The following EPN1 variants were observed in gnomAD, a reference collection of about 807,000 sequenced individuals.
The protein encoded by EPN1 is epsin 1, also known as epsin-1.
EPN1 carries 25 observed loss-of-function variants against 56.9 expected under a neutral mutation model. That is an observed-to-expected ratio of 0.44 (90% confidence interval 0.32 to 0.61). The LOEUF is 0.61. Ranked by LOEUF, EPN1 falls within the 20% of genes least tolerant of loss-of-function variation. The pLI is 0.05. For synonymous variants in EPN1, 411 were observed against 361.8 expected (o/e 1.14, Z -1.54); for missense variants, 785 against 823.7 (o/e 0.95, Z 0.58).
chr19:55,677,315 T>C (rs974981317), intron 1 of EPN1: 7 of 794,250 alleles, frequency 8.8e-6, no homozygotes, highest in Admixed American at 2.0e-5. Flanking sequence ...ATTAACTGAG[T>C]TAATACATGT....
chr19:55,689,479 A>G lies in EPN1; in HGVS notation c.678+108A>G. 1.2e-6 allele frequency: 1 copy of G among 824,694 alleles called. No homozygotes were observed. 51.1% of individuals were successfully genotyped at this position (824,694 alleles called of 1,614,324 possible). A position where few individuals can be genotyped will look rare whatever the true frequency, so the allele number is the denominator to read the frequency against. On this transcript the variant is annotated intron_variant, in intron 5 of 10. Coordinates refer to ENST00000270460, the MANE Select transcript of EPN1 (RefSeq NM_001130072.2). The surrounding 1 kb of genome is among the most constrained non-coding windows in gnomAD (Gnocchi z 5.7). ...CCATCCTGCTGGGCCCGAAGCCCAC[A>G]GGCTCACGCGTGTTGAAACCTCAGT...
Position 55,678,606 on chromosome 19 carries a change from C to G in EPN1, c.-22C>G. 1.3e-6 allele frequency: 2 copies of G among 1,592,832 alleles called. No homozygotes were observed. Among genetic ancestry groups the G allele is most frequent in the Non-Finnish European group, 1.7e-6 (2 of 1,170,848 alleles). On this transcript the variant is annotated 5_prime_UTR_variant, in exon 2 of 11. Coordinates refer to ENST00000270460, the MANE Select transcript of EPN1 (RefSeq NM_001130072.2). ...CTCCACGCATCGGGGCCCTGTGCCC[C>G]TTGCTGCTGCAGCCGGGCACCATGT...
intron 2 of EPN1, among the ~76,000 whole-genome samples, chr19:55,680,259 C>G (rs991075468): frequency 6.6e-6 from 1 of 152,222 alleles, no homozygotes; most frequent in Admixed American, 6.5e-5. Context: ...TATTTCATAA[C>G]TGTCATCACA....
chr19:55,689,076 C>T lies in EPN1; in HGVS notation c.603+82C>T. The T allele has an allele frequency of 1.4e-6, 2 of 1,476,558 alleles. No homozygotes were observed. Among genetic ancestry groups the T allele is most frequent in the South Asian group, 2.7e-5 (2 of 74,148 alleles). 91.5% of individuals were successfully genotyped at this position (1,476,558 alleles called of 1,614,324 possible). A position where few individuals can be genotyped will look rare whatever the true frequency, so the allele number is the denominator to read the frequency against. On this transcript the variant is annotated intron_variant, in intron 4 of 10. Coordinates refer to ENST00000270460, the MANE Select transcript of EPN1 (RefSeq NM_001130072.2). The surrounding 1 kb of genome is among the most constrained non-coding windows in gnomAD (Gnocchi z 5.7). ...AGGCTCCCTCCCAGCCAGGCGTGGGCCTGGCCCTCACTGTCGCTGCTCCAC... is the reference window on the plus strand; with the variant it reads ...AGGCTCCCTCCCAGCCAGGCGTGGGTCTGGCCCTCACTGTCGCTGCTCCAC...
At position 55,699,170 on chromosome 19, in the gene EPN1, T is replaced by G. The variant is rs1403886198; in HGVS notation, c.*3814T>G. 6.6e-6 allele frequency: 1 copy of G among 152,208 alleles called. No individual in the cohort carries two copies. 9.4% of individuals were successfully genotyped at this position (152,208 alleles called of 1,614,324 possible). A position where few individuals can be genotyped will look rare whatever the true frequency, so the allele number is the denominator to read the frequency against. Reference sequence around the variant, plus strand: ...TGTGCTGCACGCATTAACTCGTCATTTACATTAGGTATATCTCCTAATGCC... The same window carrying G: ...TGTGCTGCACGCATTAACTCGTCATGTACATTAGGTATATCTCCTAATGCC... On this transcript the variant is annotated 3_prime_UTR_variant, in exon 11 of 11. Coordinates refer to ENST00000270460, the MANE Select transcript of EPN1 (RefSeq NM_001130072.2).
At position 55,689,842 on chromosome 19, in the gene EPN1, C is replaced by T. The variant is rs914741975; in HGVS notation, c.679-25C>T. The T allele has an allele frequency of 7.0e-6, 11 of 1,581,964 alleles. No homozygotes were observed. Among genetic ancestry groups the T allele is most frequent in the Non-Finnish European group, 9.4e-6 (11 of 1,164,522 alleles). ...CCCGTGGCTCACGTTCTCATGTCTC[C>T]CTGGTCGTGCCCGTGCCCCAACAGG... On this transcript the variant is annotated intron_variant, in intron 5 of 10. Transcript: ENST00000270460. This position sits in a 1 kb window ranked among gnomAD's most constrained non-coding sequence, Gnocchi z 5.7.
rs1332722673 is a variant in EPN1 at position 55,702,598 on chromosome 19, TTGAAC to T, written c.*7245_*7249del. On this transcript the variant is annotated 3_prime_UTR_variant, in exon 11 of 11. Transcript: ENST00000270460. ...CTCTTTGTTAGGAGAAGTGATTTCTTTGAACTGCGTGGTGTGGTGAGAAAGGGAGC... is the reference window on the plus strand; with the variant it reads ...CTCTTTGTTAGGAGAAGTGATTTCTTTGCGTGGTGTGGTGAGAAAGGGAGC... 1 of 152,184 alleles carries T rather than the reference TTGAAC, an allele frequency of 6.6e-6. No homozygotes were observed. Among genetic ancestry groups the T allele is most frequent in the Non-Finnish European group, 1.5e-5 (1 of 68,030 alleles). 9.4% of individuals were successfully genotyped at this position (152,184 alleles called of 1,614,324 possible). A position where few individuals can be genotyped will look rare whatever the true frequency, so the allele number is the denominator to read the frequency against.
intron 2 of EPN1, among the ~76,000 whole-genome samples, chr19:55,684,470 C>T (rs2122181671): frequency 6.6e-6 from 1 of 152,278 alleles, no homozygotes. Flanking sequence ...CCCGCCCCCA[C>T]TATTAATTTC....
Position 55,708,809 on chromosome 19 carries a change from C to T in EPN1, c.*13453C>T, listed in dbSNP as rs1252626241. The T allele has an allele frequency of 2.7e-6, 2 of 747,644 alleles. No homozygotes were observed. Among genetic ancestry groups the T allele is most frequent in the Non-Finnish European group, 4.2e-6 (2 of 473,778 alleles). The allele number at this position is 747,644 out of a possible 1,614,324, so 46.3% of individuals were successfully genotyped here. The stretch of plus-strand genomic sequence containing the variant: ...TTAGGGAGTACCTCTGAAATCACAG[C>T]CCTGCTGCCATGATGTGCAATTACA... On this transcript the variant is annotated 3_prime_UTR_variant, in exon 11 of 11. Coordinates refer to ENST00000270460, the MANE Select transcript of EPN1 (RefSeq NM_001130072.2).
chr19:55,706,539 C>T lies in EPN1; in HGVS notation c.*11183C>T, dbSNP rs547221672. ...TGATGGCAGATGCCTGTAATCTCAG[C>T]TCCTCAGTAGGCTAAGGCGGGAGAA... On this transcript the variant is annotated 3_prime_UTR_variant, in exon 11 of 11. Transcript: ENST00000270460. The T allele has an allele frequency of 1.3e-5, 2 of 152,070 alleles. No homozygotes were observed. Among genetic ancestry groups the T allele is most frequent in the East Asian group, 3.9e-4 (2 of 5,156 alleles). The allele number at this position is 152,070 out of a possible 1,614,324, so 9.4% of individuals were successfully genotyped here. A position where few individuals can be genotyped will look rare whatever the true frequency, so the allele number is the denominator to read the frequency against.
chr19:55,676,066 T>C (rs1985395688), intron 1 of EPN1, among the ~76,000 whole-genome samples: 1 of 152,240 alleles, frequency 6.6e-6, no homozygotes, highest in African/African-American at 2.4e-5. Flanking sequence ...TGATAGTCTC[T>C]GTGTCAAAAC....
intron 2 of EPN1, among the ~76,000 whole-genome samples, chr19:55,683,305 T>G (rs1380655247): frequency 6.6e-6 from 1 of 152,066 alleles, no homozygotes; most frequent in Non-Finnish European, 1.5e-5. Context: ...TCTGCCCGCC[T>G]TGGCCTCTCA....
chr19:55,682,984 T>C (rs1256040135), intron 2 of EPN1, among the ~76,000 whole-genome samples: 2 of 152,062 alleles, frequency 1.3e-5, no homozygotes, highest in Non-Finnish European at 2.9e-5. Context: ...CTCGAACTTC[T>C]GACCTCGTGA....
In EPN1 at chr19:55,689,897, C is replaced by G; in HGVS notation, c.709C>G (p.Arg237Gly). Residue 237 changes from arginine to glycine, a missense_variant, in exon 6 of 11, where the codon CGG becomes GGG. Around this residue, in one of 2 missense-constraint regions of EPN1, gnomAD observed 650 missense variants for 605.0 expected, o/e 1.07. Coordinates refer to ENST00000270460, the MANE Select transcript of EPN1 (RefSeq NM_001130072.2). The surrounding 1 kb of genome is among the most constrained non-coding windows in gnomAD (Gnocchi z 5.7). ...EERIRRGDDL[R>G]LQMAIEESKR... Reference sequence around the variant, plus strand: ...GCGGATCCGTCGCGGGGATGACCTGCGGCTGCAGATGGCAATCGAGGAGAG... The same window carrying G: ...GCGGATCCGTCGCGGGGATGACCTGGGGCTGCAGATGGCAATCGAGGAGAG... 6.2e-7 allele frequency: 1 copy of G among 1,606,264 alleles called. No homozygotes were observed. Among genetic ancestry groups the G allele is most frequent in the Non-Finnish European group, 8.5e-7 (1 of 1,176,804 alleles).
At position 55,695,211 on chromosome 19, in the gene EPN1, C is replaced by T; in HGVS notation, c.1586C>T (p.Thr529Ile). 1 of 1,613,544 alleles carries T rather than the reference C, an allele frequency of 6.2e-7. No individual in the cohort carries two copies. The highest frequency in any genetic ancestry group is 8.5e-7 in the Non-Finnish European group (1 of 1,179,830). ...CAGCCCGCGCCTCCCGCGACGCTCA[C>T]CCTGAACCAGCTCCGTCTCAGTCCT... ...PFQPAPPATL[T>I]LNQLRLSPVP... is the part of the protein sequence containing the mutation. Residue 529 changes from threonine to isoleucine, a missense_variant, in exon 11 of 11, where the codon ACC becomes ATC. This residue lies in a region of EPN1 where 650 missense variants were observed against 605.0 expected (regional missense o/e 1.07). Coordinates refer to ENST00000270460, the MANE Select transcript of EPN1 (RefSeq NM_001130072.2). This position sits in a 1 kb window ranked among gnomAD's most constrained non-coding sequence, Gnocchi z 4.4.
intron 2 of EPN1, among the ~76,000 whole-genome samples, chr19:55,684,532 AG>A (rs1255383374): frequency 6.6e-6 from 1 of 152,200 alleles, no homozygotes; most frequent in Non-Finnish European, 1.5e-5. Context: ...AACATACCAA[AG>A]GGTGCAGATT....
intron 3 of EPN1, among the ~76,000 whole-genome samples, chr19:55,688,345 T>C (rs1237281738): frequency 6.6e-6 from 1 of 152,056 alleles, no homozygotes; most frequent in Non-Finnish European, 1.5e-5. Context: ...CCCCTCCTGC[T>C]CTTGGAACCA....
chr19:55,706,633 G>A lies in EPN1; in HGVS notation c.*11277G>A, dbSNP rs1255994274. The A allele has an allele frequency of 1.3e-5, 2 of 149,244 alleles. No individual in the cohort carries two copies. The highest frequency in any genetic ancestry group is 2.1e-4 in the South Asian group (1 of 4,694). The allele number at this position is 149,244 out of a possible 1,614,324, so 9.2% of individuals were successfully genotyped here. On this transcript the variant is annotated 3_prime_UTR_variant, in exon 11 of 11. Transcript: ENST00000270460. ...AGCATTGCAGGAAAGAGAGAAAAAG[G>A]AGGGAAGGGGAAGGAAAAGGAAAGA...
Position 55,709,233 on chromosome 19 carries a change from A to G in EPN1, c.*13877A>G, listed in dbSNP as rs1351674238. 4.9e-6 allele frequency: 2 copies of G among 409,250 alleles called. No homozygotes were observed. The highest frequency in any genetic ancestry group is 8.6e-6 in the Non-Finnish European group (2 of 233,030). 25.4% of individuals were successfully genotyped at this position (409,250 alleles called of 1,614,324 possible). ...ATAGGAAGCCTCTGATTTATACCAT[A>G]AAGTGAAATTTCATATACAGGATGT... On this transcript the variant is annotated 3_prime_UTR_variant, in exon 11 of 11. Transcript: ENST00000270460.
Sources: allele counts gnomAD v4.1 joint callset (sites outside exome capture counted in the v4.1 genomes callset), GRCh38; gene constraint gnomAD v4.1.1; regional missense constraint gnomAD v4.1.1; non-coding constraint Gnocchi (gnomAD v3.1); transcripts MANE v1.5; gene names NCBI Gene and HGNC (gene_info 2026-07-23, HGNC 2026-07-21).